SHCBP1L: variants seen among roughly 807,000 people sequenced by gnomAD.
The protein encoded by SHCBP1L is SHC binding and spindle associated 1 like, also known as testicular spindle-associated protein SHCBP1L.
SHCBP1L carries 67 observed loss-of-function variants against 62.5 expected under a neutral mutation model. That is an observed-to-expected ratio of 1.07 (90% confidence interval 0.88 to 1.31). The LOEUF is 1.31. SHCBP1L is among the 40% of genes most tolerant of loss of function. The pLI is 0.00. For missense variants in SHCBP1L, 823 were observed against 809.8 expected, an observed-to-expected ratio of 1.02 and a Z score of -0.20; for synonymous variants, 284 against 289.4, an observed-to-expected ratio of 0.98 and a Z score of 0.19.
rs1649931422 is a variant in SHCBP1L, at chr1:182,904,254, A to T, written c.1513T>A (p.Cys505Ser). The change falls in exon 8 of 10, where the codon TGT (cysteine) becomes AGT (serine). Residue 505 changes from cysteine (C) to serine (S), a missense_variant. Physicochemically the swap from Cys to Ser is moderately radical, Grantham distance 112 (BLOSUM62 -1). Coordinates refer to ENST00000367547, the MANE Select transcript of SHCBP1L (RefSeq NM_030933.4). ...AGAACACACACTCCTGTTCCTTCACATTTTAATATGCAGTTTTCTAGAGTC... is the reference window on the plus strand; with the variant it reads ...AGAACACACACTCCTGTTCCTTCACTTTTTAATATGCAGTTTTCTAGAGTC... The part of the protein sequence containing the change: ...HMTLENCILK[C>S]EGTGVCVLTG... 2.5e-6 allele frequency: 4 copies of T among 1,614,012 alleles called. No homozygotes were observed. The highest frequency in any genetic ancestry group is 3.4e-6 in the Non-Finnish European group (4 of 1,180,032).
At chr1:182,927,888 AT>A (rs1650832703) in intron 6 of SHCBP1L, among the ~76,000 whole-genome samples, 1 of 152,198 alleles carries the variant, frequency 6.6e-6, no homozygotes, top group Non-Finnish European at 1.5e-5. Context: ...AACAAAAAAA[AT>A]CATAGAAATT....
chr1:182,932,734 A>G (rs1452844903), intron 5 of SHCBP1L, among the ~76,000 whole-genome samples: 1 of 152,094 alleles, frequency 6.6e-6, no homozygotes, highest in Admixed American at 6.6e-5. Context: ...ACCTCAGGTG[A>G]TCTGCCCACT....
chr1:182,947,583 T>C (rs1651606114), intron 2 of SHCBP1L, among the ~76,000 whole-genome samples: 1 of 152,232 alleles, frequency 6.6e-6, no homozygotes, highest in Non-Finnish European at 1.5e-5. Flanking sequence ...CTTCTGCCTC[T>C]GCTACCCTAG....
chr1:182,913,950 C>T (rs1173324860), intron 6 of SHCBP1L, among the ~76,000 whole-genome samples: 1 of 152,154 alleles, frequency 6.6e-6, no homozygotes, highest in Non-Finnish European at 1.5e-5. Flanking sequence ...CATTGCACTC[C>T]AGCCTGGGCA....
At chr1:182,908,391 T>TA (rs1205096497) in intron 6 of SHCBP1L, among the ~76,000 whole-genome samples, 3 of 152,218 alleles carry the variant, frequency 2.0e-5, no homozygotes, top group Admixed American at 2.0e-4. Flanking sequence ...GTTCCTGCAT[T>TA]AATTCACTTA....
intron 6 of SHCBP1L, among the ~76,000 whole-genome samples, chr1:182,917,441 A>T (rs995278316): frequency 3.3e-5 from 5 of 152,206 alleles, no homozygotes; most frequent in African/African-American, 1.2e-4. Flanking sequence ...GTGGGGTTTC[A>T]TCATGTTGGC....
chr1:182,919,412 C>T (rs1325361349), intron 6 of SHCBP1L, among the ~76,000 whole-genome samples: 1 of 152,152 alleles, frequency 6.6e-6, no homozygotes, highest in African/African-American at 2.4e-5. Context: ...CCCATAATTC[C>T]TTTTTATAGG....
At chr1:182,942,213 C>G in intron 2 of SHCBP1L, 1 of 1,345,054 alleles carries the variant, frequency 7.4e-7, no homozygotes, top group Admixed American at 1.7e-5. Context: ...TTAGCCACTT[C>G]GGCCTGTTTT....
intron 7 of SHCBP1L, among the ~76,000 whole-genome samples, 162 bp from the exon 8 acceptor site, chr1:182,904,592 T>C (rs1273922242): frequency 6.6e-6 from 1 of 151,172 alleles, no homozygotes; most frequent in Non-Finnish European, 1.5e-5. Flanking sequence ...TGCGCATTTT[T>C]AGAGATGGTT....
At chr1:182,902,395 C>T (rs1649872525) in intron 9 of SHCBP1L, among the ~76,000 whole-genome samples, 1 of 152,092 alleles carries the variant, frequency 6.6e-6, no homozygotes, top group South Asian at 2.1e-4. Flanking sequence ...TGTCCAGAAT[C>T]ATACAGAGAG....
At chr1:182,932,288 T>C (rs1278949206) in intron 5 of SHCBP1L, among the ~76,000 whole-genome samples, 3 of 152,050 alleles carry the variant, frequency 2.0e-5, no homozygotes, top group Non-Finnish European at 4.4e-5. Flanking sequence ...GAACATAAGT[T>C]TCCAACTCAT....
At chr1:182,919,883 C>T (rs1423275061) in intron 6 of SHCBP1L, among the ~76,000 whole-genome samples, 1 of 152,084 alleles carries the variant, frequency 6.6e-6, no homozygotes, top group Non-Finnish European at 1.5e-5. Context: ...AAAGAGGGAT[C>T]CACACAGCCT....
intron 5 of SHCBP1L, among the ~76,000 whole-genome samples, chr1:182,930,413 C>A (rs1486498308): frequency 2.0e-5 from 3 of 151,184 alleles, no homozygotes; most frequent in Non-Finnish European, 4.4e-5. Context: ...TGGCTTTTAT[C>A]ATTACTGTCA....
At chr1:182,935,486 G>T (rs759574610) in intron 5 of SHCBP1L, among the ~76,000 whole-genome samples, 3 of 152,166 alleles carry the variant, frequency 2.0e-5, no homozygotes, top group Non-Finnish European at 4.4e-5. Flanking sequence ...GTTGATTTTT[G>T]AATATTAACC....
At chr1:182,951,649 CA>C (rs1464003389) in intron 1 of SHCBP1L, among the ~76,000 whole-genome samples, 182 bp from the exon 2 acceptor site, 1 of 151,234 alleles carries the variant, frequency 6.6e-6, no homozygotes, top group East Asian at 1.9e-4. Context: ...ACATCACCAA[CA>C]AAAAATTAAA....
At chr1:182,913,699 A>G (rs1650263737) in intron 6 of SHCBP1L, among the ~76,000 whole-genome samples, 1 of 152,208 alleles carries the variant, frequency 6.6e-6, no homozygotes, top group African/African-American at 2.4e-5. Flanking sequence ...ATCCAAAGAT[A>G]GGCGGGGCAC....
chr1:182,902,912 C>A lies in SHCBP1L; in HGVS notation c.1710+127G>T, dbSNP rs898374004. The A allele has an allele frequency of 2.4e-5, 14 of 578,932 alleles. 1 individual carries two copies. The allele number at this position is 578,932 out of a possible 1,614,324, so 35.9% of individuals were successfully genotyped here. On this transcript the variant is annotated intron_variant, in intron 9 of 9. Transcript: ENST00000367547. ...GCTATCATTTAACCATATTTTATTACTTGTACTATTCTTTTCCAAATCAAT... is the reference window on the plus strand; with the variant it reads ...GCTATCATTTAACCATATTTTATTAATTGTACTATTCTTTTCCAAATCAAT...
At chr1:182,929,122 A>C (rs1650876780) in intron 6 of SHCBP1L, among the ~76,000 whole-genome samples, 7 of 152,150 alleles carry the variant, frequency 4.6e-5, no homozygotes. Context: ...TTGGCTCAGA[A>C]CATTTGTTTG....
intron 6 of SHCBP1L, among the ~76,000 whole-genome samples, chr1:182,928,038 T>C (rs1260700671): frequency 6.6e-6 from 1 of 152,204 alleles, no homozygotes; most frequent in African/African-American, 2.4e-5. Context: ...AAGGTGTTTA[T>C]AAAGATGTTA....
Sources: allele counts gnomAD v4.1 joint callset (sites outside exome capture counted in the v4.1 genomes callset), GRCh38; gene constraint gnomAD v4.1.1; transcripts MANE v1.5; gene names NCBI Gene and HGNC (gene_info 2026-07-23, HGNC 2026-07-21).